SLC18B1: variants seen among roughly 807,000 people sequenced by gnomAD.
SLC18B1 encodes MFS-type transporter SLC18B1.
In SLC18B1, 62 loss-of-function variants were observed where a neutral mutation model predicts 53.9. The observed-to-expected ratio is 1.15, with a 90% CI of 0.94 to 1.42. The LOEUF (loss-of-function observed/expected upper bound fraction) is 1.42, where lower values mean the gene tolerates loss of function less well. Ranked by LOEUF, SLC18B1 falls within the 40% of genes most tolerant of loss-of-function variation. SLC18B1 has a pLI of 0.00. For synonymous variants in SLC18B1, 217 were observed against 200.9 expected (o/e 1.08, Z -0.68); for missense variants, 598 against 547.3 (o/e 1.09, Z -0.93).
At chr6:132,792,296 G>GA (rs1562271515) in intron 2 of SLC18B1, among the ~76,000 whole-genome samples, 1 of 29,596 alleles carries the variant, frequency 3.4e-5, no homozygotes, top group Non-Finnish European at 6.1e-5. Flanking sequence ...AGAAAGGAAG[G>GA]AAGGAAGGAA....
chr6:132,776,259 A>C, intron 8 of SLC18B1, 69 bp downstream of exon 8: 1 of 1,238,450 alleles, frequency 8.1e-7, no homozygotes, highest in Non-Finnish European at 1.2e-6. Context: ...TAGAGTTCCA[A>C]AGGAACAGTT....
chr6:132,773,134 A>C, intron 9 of SLC18B1, 46 bp from the exon 10 acceptor site: 1 of 1,399,900 alleles, frequency 7.1e-7, no homozygotes, highest in Non-Finnish European at 1.0e-6. Context: ...GAAAAACATT[A>C]GCGTTTTAAC....
chr6:132,786,550 C>A (rs1169970103), intron 5 of SLC18B1, among the ~76,000 whole-genome samples: 6 of 101,426 alleles, frequency 5.9e-5, no homozygotes, highest in Non-Finnish European at 1.1e-4. Flanking sequence ...CTCCATCCCC[C>A]ACTCCAAAAA....
chr6:132,775,501 G>A (rs1370214892), intron 8 of SLC18B1, among the ~76,000 whole-genome samples: 2 of 151,756 alleles, frequency 1.3e-5, no homozygotes, highest in African/African-American at 4.8e-5. Flanking sequence ...TTGACATCTG[G>A]GTTACTAAGT....
intron 5 of SLC18B1, among the ~76,000 whole-genome samples, chr6:132,787,124 G>A (rs905507127): frequency 2.4e-4 from 36 of 152,234 alleles, no homozygotes; most frequent in African/African-American, 7.7e-4. Flanking sequence ...TCTAGGCTAC[G>A]GGGAGACAGC....
intron 4 of SLC18B1, 160 bp downstream of exon 4, chr6:132,789,604 T>A (rs537872311): frequency 1.7e-6 from 1 of 587,980 alleles, no homozygotes; most frequent in African/African-American, 1.9e-5. Flanking sequence ...ATGCCATTTA[T>A]CCCTGTTCTC....
intron 5 of SLC18B1, among the ~76,000 whole-genome samples, chr6:132,786,410 G>A (rs1781371925): frequency 6.6e-6 from 1 of 151,994 alleles, no homozygotes; most frequent in South Asian, 2.1e-4. Context: ...GTAGCCGGGT[G>A]TGGTGGCGGG....
chr6:132,785,312 C>T (rs1353615330), intron 5 of SLC18B1, among the ~76,000 whole-genome samples: 2 of 152,256 alleles, frequency 1.3e-5, no homozygotes, highest in East Asian at 1.9e-4. Context: ...TCTATGTTCC[C>T]TTCTGTAACT....
chr6:132,793,452 A>G (rs1370134709), intron 2 of SLC18B1, among the ~76,000 whole-genome samples: 1 of 152,208 alleles, frequency 6.6e-6, no homozygotes, highest in Non-Finnish European at 1.5e-5. Flanking sequence ...GGCGAGACAA[A>G]AGTAGCAAAT....
chr6:132,779,583 C>T (rs888792423), intron 6 of SLC18B1, among the ~76,000 whole-genome samples, 179 bp from the exon 7 acceptor site: 5 of 152,106 alleles, frequency 3.3e-5, no homozygotes, highest in Non-Finnish European at 4.4e-5. Context: ...AACCTAGAGG[C>T]CACATTCAAT....
chr6:132,770,627 G>A (rs567521907), intron 13 of SLC18B1, among the ~76,000 whole-genome samples: 5 of 151,946 alleles, frequency 3.3e-5, no homozygotes, highest in Non-Finnish European at 5.9e-5. Flanking sequence ...TCTCAGCTAC[G>A]TGGGAGGCTG....
In SLC18B1 at chr6:132,798,601, G is replaced by T. The variant is rs1233851475; in HGVS notation, c.-145C>A. Reference sequence around the variant, plus strand: ...CCCGACTCCCTGCAGGCAGCGATCCGCCCGGCCCGGAGCTCCCCAAAGCCT... The same window carrying T: ...CCCGACTCCCTGCAGGCAGCGATCCTCCCGGCCCGGAGCTCCCCAAAGCCT... On this transcript the variant is annotated 5_prime_UTR_variant, in exon 1 of 14. Transcript: ENST00000275227. 3.2e-5 allele frequency: 27 copies of T among 844,614 alleles called. No homozygotes were observed. The highest frequency in any genetic ancestry group is 4.0e-5 in the Admixed American group (1 of 25,180). The allele number at this position is 844,614 out of a possible 1,614,324, so 52.3% of individuals were successfully genotyped here.
chr6:132,775,711 T>G (rs529777878), intron 8 of SLC18B1, among the ~76,000 whole-genome samples: 3 of 152,362 alleles, frequency 2.0e-5, no homozygotes, highest in South Asian at 2.1e-4. Flanking sequence ...GTTTTGCTTT[T>G]CTTTTTATCA....
intron 6 of SLC18B1, 120 bp from the exon 7 acceptor site, chr6:132,779,524 G>A (rs1344162120): frequency 9.0e-7 from 1 of 1,115,614 alleles, no homozygotes; most frequent in Non-Finnish European, 1.3e-6. Context: ...CTCAATCTCT[G>A]AGTTTGCCTA....
At chr6:132,795,484 G>T (rs960458216) in intron 2 of SLC18B1, among the ~76,000 whole-genome samples, 1 of 152,296 alleles carries the variant, frequency 6.6e-6, no homozygotes, top group East Asian at 1.9e-4. Context: ...TAAATAAGGG[G>T]TAATGTGTAC....
chr6:132,789,981 C>G, intron 3 of SLC18B1, 144 bp from the exon 4 acceptor site: 1 of 670,380 alleles, frequency 1.5e-6, no homozygotes, highest in Admixed American at 2.9e-5. Context: ...AATATGGTGA[C>G]AGTACTCATT....
intron 2 of SLC18B1, among the ~76,000 whole-genome samples, chr6:132,790,713 A>G (rs1781500397): frequency 6.6e-6 from 1 of 152,230 alleles, no homozygotes. Context: ...AGGAAGTTCC[A>G]TGAGTGGGCA....
intron 4 of SLC18B1, chr6:132,789,335 C>A (rs1293658488): frequency 6.3e-6 from 1 of 158,330 alleles, no homozygotes; most frequent in Non-Finnish European, 1.4e-5. Flanking sequence ...TGCTAGGGGT[C>A]CCCTTGCCAC....
chr6:132,792,225 CAGAAAGAA>C (rs1554223211), intron 2 of SLC18B1, among the ~76,000 whole-genome samples: 2 of 44,582 alleles, frequency 4.5e-5, no homozygotes, highest in African/African-American at 1.5e-4. Context: ...AAGACACTGT[CAGAAAGAA>C]AGAAAGAAAG....
Sources: allele counts gnomAD v4.1 joint callset (sites outside exome capture counted in the v4.1 genomes callset), GRCh38; gene constraint gnomAD v4.1.1; transcripts MANE v1.5; gene names NCBI Gene and HGNC (gene_info 2026-07-23, HGNC 2026-07-21).